Variants in OGG1 observed in about 807,000 individuals in gnomAD.
OGG1 encodes the protein N-glycosylase/DNA lyase.
OGG1 carries 35 observed loss-of-function variants against 42.3 expected under a neutral mutation model. That is an observed-to-expected ratio of 0.83 (90% CI 0.63 to 1.10). The LOEUF is 1.10. Ranked by LOEUF, OGG1 falls within the 50% of genes least tolerant of loss-of-function variation. The probability of loss-of-function intolerance (pLI) is 0.00; values close to 1 mark genes in which losing one functional copy is unlikely to be tolerated. For synonymous variants in OGG1, 189 were observed against 179.0 expected (o/e 1.06, Z -0.44); for missense variants, 484 against 446.7 (o/e 1.08, Z -0.75).
downstream of OGG1, chr3:9,759,521 C>T: frequency 6.2e-7 from 1 of 1,614,168 alleles, no homozygotes; most frequent in Non-Finnish European, 8.5e-7. Flanking sequence ...TCTTCTTGAT[C>T]TGCTCACTCA....
downstream of OGG1, chr3:9,760,615 C>G: frequency 6.2e-7 from 1 of 1,609,028 alleles, no homozygotes; most frequent in Non-Finnish European, 8.5e-7. Flanking sequence ...AGGGAGGAAC[C>G]AGAGGCAGGG....
chr3:9,790,226 T>C (rs2125627116), downstream of OGG1, among the ~76,000 whole-genome samples: 1 of 152,312 alleles, frequency 6.6e-6, no homozygotes, highest in East Asian at 1.9e-4. Context: ...CCCATGCCAG[T>C]CACATACTGT....
chr3:9,763,160 T>G, intron 7 of OGG1: 1 of 1,613,820 alleles, frequency 6.2e-7, no homozygotes. Flanking sequence ...GAGGTAGAGG[T>G]GGCCCCCACT....
chr3:9,750,792 G>A, intron 1 of OGG1, 153 bp from the exon 2 acceptor site: 1 of 961,494 alleles, frequency 1.0e-6, no homozygotes, highest in Admixed American at 2.1e-5. Flanking sequence ...TGTATTTTTT[G>A]TAGAGGTGAG....
intron 1 of OGG1, 194 bp downstream of exon 1, chr3:9,750,617 T>A (rs2077256851): frequency 1.3e-6 from 1 of 791,190 alleles, no homozygotes; most frequent in Non-Finnish European, 2.0e-6. Flanking sequence ...TCCAGCGGTA[T>A]AACCGATGCA....
downstream of OGG1, chr3:9,760,021 T>C (rs943261435): frequency 1.1e-5 from 4 of 369,408 alleles, no homozygotes; most frequent in Admixed American, 1.5e-4. Flanking sequence ...TGCAGGTGGA[T>C]CACGAGGTCA....
downstream of OGG1, chr3:9,789,588 C>T: frequency 1.2e-6 from 2 of 1,614,170 alleles, no homozygotes; most frequent in Non-Finnish European, 1.7e-6. Flanking sequence ...GATGTCAGCA[C>T]AGTAGGGCTC....
At chr3:9,764,616 TG>T (rs376456227) in intron 7 of OGG1, among the ~76,000 whole-genome samples, 14,011 of 129,330 alleles carry the variant, frequency 0.11, 1,568 homozygotes, top group East Asian at 0.3. Context: ...CTGGCGTTTT[TG>T]TTTTTTTTTT....
downstream of OGG1, chr3:9,761,210 A>G: frequency 2.2e-6 from 1 of 445,346 alleles, no homozygotes; most frequent in Non-Finnish European, 4.0e-6. Flanking sequence ...TCCCTACTAG[A>G]AAGAAAGTCA....
At chr3:9,767,990 CTTTA>C (rs775753519), downstream of OGG1, among the ~76,000 whole-genome samples, 13 of 152,226 alleles carry the variant, frequency 8.5e-5, no homozygotes, top group Non-Finnish European at 1.3e-4. Flanking sequence ...CAGCAAAATT[CTTTA>C]TTTAACAAAG....
At chr3:9,759,735 C>A (rs139097636), downstream of OGG1, 7 of 1,613,982 alleles carry the variant, frequency 4.3e-6, no homozygotes, top group East Asian at 1.1e-4. Flanking sequence ...CATCAAGTGC[C>A]GGATGAAATC....
chr3:9,760,954 G>A (rs772204904), downstream of OGG1: 105 of 843,942 alleles, frequency 1.2e-4, no homozygotes, highest in Middle Eastern at 1.1e-3. Context: ...TGTATGTGCC[G>A]CCATCTTGCC....
downstream of OGG1, chr3:9,789,854 A>G: frequency 1.2e-6 from 2 of 1,614,144 alleles, no homozygotes; most frequent in South Asian, 1.1e-5. Context: ...CTTCCCTTCC[A>G]GTTTCTGCTT....
intron 2 of OGG1, among the ~76,000 whole-genome samples, chr3:9,776,579 AG>A (rs915562005): frequency 4.0e-5 from 6 of 151,712 alleles, no homozygotes; most frequent in Non-Finnish European, 8.8e-5. Context: ...TTAGTAGCGA[AG>A]GGGTTTCACC....
At chr3:9,781,870 CACTCTGTCACCCAG>C (rs1291878521) in intron 3 of OGG1, among the ~76,000 whole-genome samples, 1 of 132,076 alleles carries the variant, frequency 7.6e-6, no homozygotes, top group East Asian at 2.3e-4. Flanking sequence ...AGACAGGTCT[CACTCTGTCACCCAG>C]GCTGGAGTAC....
intron 2 of OGG1, among the ~76,000 whole-genome samples, chr3:9,777,876 A>G (rs188719098): frequency 3.0e-4 from 45 of 152,258 alleles, no homozygotes; most frequent in African/African-American, 1.1e-3. Flanking sequence ...GGGGTCTTCA[A>G]GCAGAGCTGC....
chr3:9,764,760 G>A (rs1340305902), intron 7 of OGG1, among the ~76,000 whole-genome samples: 1 of 149,894 alleles, frequency 6.7e-6, no homozygotes, highest in African/African-American at 2.5e-5. Flanking sequence ...AGCCTCCCAA[G>A]TAGCTGGGAT....
Position 9,756,754 on chromosome 3 carries a change from A to C in OGG1, c.899-13A>C, listed in dbSNP as rs2077583059. 4.3e-6 allele frequency: 7 copies of C among 1,614,038 alleles called. No individual in the cohort carries two copies. The highest frequency in any genetic ancestry group is 4.2e-6 in the Non-Finnish European group (5 of 1,180,004). On this transcript the variant is annotated splice_polypyrimidine_tract_variant and intron_variant, in intron 5 of 6. Coordinates refer to ENST00000344629, the MANE Select transcript of OGG1 (RefSeq NM_002542.6). Reference sequence around the variant, plus strand: ...AGGGGTCAGATAACTTAGTCTCATCACTTCTGATTTAGGAAACTTTTTCCG... The same window carrying C: ...AGGGGTCAGATAACTTAGTCTCATCCCTTCTGATTTAGGAAACTTTTTCCG...
chr3:9,779,059 G>A (rs1042070604), intron 2 of OGG1, among the ~76,000 whole-genome samples: 1 of 151,984 alleles, frequency 6.6e-6, no homozygotes, highest in African/African-American at 2.4e-5. Flanking sequence ...GCAGGTACCA[G>A]AGCATATTTA....
Sources: allele counts gnomAD v4.1 joint callset (sites outside exome capture counted in the v4.1 genomes callset), GRCh38; gene constraint gnomAD v4.1.1; transcripts MANE v1.5; gene names NCBI Gene and HGNC (gene_info 2026-07-23, HGNC 2026-07-21).